The following OTOR variants were observed in gnomAD, a reference collection of about 807,000 sequenced individuals.
The protein encoded by OTOR is fibrocyte-derived protein.
A neutral mutation model predicts 15.9 loss-of-function variants in OTOR; 20 were observed. The ratio of observed to expected loss-of-function variants is 1.26; its 90% CI spans 0.89 to 1.83. The LOEUF is 1.83. Ranked by LOEUF, OTOR falls within the 40% of genes most tolerant of loss-of-function variation. The pLI, the probability that OTOR is intolerant of heterozygous loss-of-function variation, is 0.00. For missense variants in OTOR, 184 were observed against 159.0 expected (o/e 1.16, Z -0.85); for synonymous variants, 53 against 54.2 (o/e 0.98, Z 0.09).
rs139430149 is a variant in OTOR, at chr20:16,749,788, A to T, written c.256-115A>T. The T allele has an allele frequency of 3.1e-4, 217 of 702,556 alleles. 2 individuals are homozygous for T. The East Asian group carries it at 6.0e-3, about 19-fold the overall frequency. 43.5% of individuals were successfully genotyped at this position (702,556 alleles called of 1,614,324 possible). On this transcript the variant is annotated intron_variant, in intron 2 of 3. Coordinates refer to ENST00000246081, the MANE Select transcript of OTOR (RefSeq NM_020157.4). ...GCAGCGCCCCCTGGACCCCGGAGTG[A>T]AAGGGAGGTATTGGCAGCTATGATT... is the stretch of plus-strand genomic sequence containing the variant.
rs185752071 is a variant in OTOR at position 16,751,334 on chromosome 20, C to T, written c.*216C>T. The T allele has an allele frequency of 6.9e-4, 355 of 514,030 alleles. 9 individuals carry two copies. In the East Asian group the frequency reaches 9.8e-3, roughly 14 times the overall value. 31.8% of individuals were successfully genotyped at this position (514,030 alleles called of 1,614,324 possible). The stretch of plus-strand genomic sequence containing the variant: ...GGCCTGGTCTGCCCACGAGCTAGAG[C>T]GGGGAAATGTTGAGCTCAAATGGGT... On this transcript the variant is annotated 3_prime_UTR_variant, in exon 4 of 4. Coordinates refer to ENST00000246081, the MANE Select transcript of OTOR (RefSeq NM_020157.4).
At chr20:16,751,014 G>A in intron 3 of OTOR, 81 bp from the exon 4 acceptor site, 1 of 1,058,300 alleles carries the variant, frequency 9.4e-7, no homozygotes, top group Non-Finnish European at 1.4e-6. Flanking sequence ...GATTAGATAT[G>A]ACTTTAAATA....
Position 16,751,190 on chromosome 20 carries a change from G to A in OTOR, c.*72G>A, listed in dbSNP as rs2072527048. The A allele has an allele frequency of 2.8e-6, 3 of 1,061,748 alleles. No homozygotes were observed. The highest frequency in any genetic ancestry group is 2.0e-4 in the Middle Eastern group (1 of 4,920). The allele number at this position is 1,061,748 out of a possible 1,614,324, so 65.8% of individuals were successfully genotyped here. A position where few individuals can be genotyped will look rare whatever the true frequency, so the allele number is the denominator to read the frequency against. On this transcript the variant is annotated 3_prime_UTR_variant, in exon 4 of 4. Coordinates refer to ENST00000246081, the MANE Select transcript of OTOR (RefSeq NM_020157.4). The stretch of plus-strand genomic sequence containing the variant: ...AAAAGAGCAAAAGTGGCCAAAAAAT[G>A]CATGTCTGTAATTTTGGACTGACGT...
Position 16,751,161 on chromosome 20 carries a change from A to G in OTOR, c.*43A>G, listed in dbSNP as rs764019038. The G allele has an allele frequency of 2.8e-6, 4 of 1,420,528 alleles. No individual in the cohort carries two copies. The African/African-American group carries it at 5.8e-5, about 21-fold the overall frequency. 88.0% of individuals were successfully genotyped at this position (1,420,528 alleles called of 1,614,324 possible). A position where few individuals can be genotyped will look rare whatever the true frequency, so the allele number is the denominator to read the frequency against. ...CAAATAGAAAGAAAACACCAAAAAT[A>G]AAGAAAAGAGCAAAAGTGGCCAAAA... On this transcript the variant is annotated 3_prime_UTR_variant, in exon 4 of 4. Coordinates refer to ENST00000246081, the MANE Select transcript of OTOR (RefSeq NM_020157.4).
intron 3 of OTOR, among the ~76,000 whole-genome samples, chr20:16,750,681 G>T (rs572320124): frequency 1.3e-5 from 2 of 152,302 alleles, no homozygotes; most frequent in Admixed American, 6.5e-5. Flanking sequence ...ATTTATGTAT[G>T]AAATAAAGTT....
intron 3 of OTOR, 118 bp downstream of exon 3, chr20:16,750,128 G>C (rs769568550): frequency 7.1e-5 from 45 of 631,288 alleles, no homozygotes; most frequent in Non-Finnish European, 1.2e-4. Flanking sequence ...ACTTTCAGTG[G>C]CGACTTTTCT....
At chr20:16,749,642 A>G (rs1360492802) in intron 2 of OTOR, 7 of 433,564 alleles carry the variant, frequency 1.6e-5, no homozygotes, top group East Asian at 1.5e-4. Flanking sequence ...ATTTCAGGCA[A>G]CTCACAAGAT....
chr20:16,750,428 T>A (rs78685486), intron 3 of OTOR, among the ~76,000 whole-genome samples: 1,774 of 151,928 alleles, frequency 0.012, 20 homozygotes, highest in Non-Finnish European at 0.019. Context: ...TGTGTGTGTG[T>A]GAAAACATTA....
In OTOR at chr20:16,750,007, C is replaced by T. The variant is rs775409087; in HGVS notation, c.360C>T (p.Thr120=). Reference sequence around the variant, plus strand: ...AGGAAGCTACCAAGGAAGTTCCCACCACGGTAAGCATCTCAAAAGTGACTA... The same window carrying T: ...AGGAAGCTACCAAGGAAGTTCCCACTACGGTAAGCATCTCAAAAGTGACTA... ...VYQEATKEVP[T]TDIDFFCE Residue 120 remains threonine, a synonymous_variant, in exon 3 of 4, where the codon ACC becomes ACT. Transcript: ENST00000246081. 1.8e-5 allele frequency: 29 copies of T among 1,599,120 alleles called. No homozygotes were observed. The highest frequency in any genetic ancestry group is 1.7e-4 in the Admixed American group (10 of 59,872).
At chr20:16,749,051 T>G in intron 2 of OTOR, 45 bp downstream of exon 2, 3 of 1,397,458 alleles carry the variant, frequency 2.1e-6, no homozygotes, top group Middle Eastern at 1.8e-4. Context: ...CTCTTAACCT[T>G]TCCTTGATTA....
At position 16,748,968 on chromosome 20, in the gene OTOR, G is replaced by A. The variant is rs1391422302; in HGVS notation, c.217G>A (p.Val73Ile). ...GQQIYVYSKL[V>I]KENGAGEFWA... Reference sequence around the variant, plus strand: ...GCAGATCTATGTGTACTCAAAGCTGGTAAAAGAAAATGGAGCTGGAGAATT... The same window carrying A: ...GCAGATCTATGTGTACTCAAAGCTGATAAAAGAAAATGGAGCTGGAGAATT... The change falls in exon 2 of 4, where the codon GTA becomes ATA. Residue 73 changes from valine (V) to isoleucine (I), a missense_variant. Physicochemically the swap from Val to Ile is conservative, Grantham distance 29 (BLOSUM62 3). Coordinates refer to ENST00000246081, the MANE Select transcript of OTOR (RefSeq NM_020157.4). 6.2e-7 allele frequency: 1 copy of A among 1,610,638 alleles called. No homozygotes were observed. The highest frequency in any genetic ancestry group is 8.5e-7 in the Non-Finnish European group (1 of 1,179,012).
intron 1 of OTOR, 114 bp downstream of exon 1, chr20:16,748,630 T>C: frequency 1.3e-6 from 1 of 751,916 alleles, no homozygotes; most frequent in Non-Finnish European, 2.2e-6. Flanking sequence ...ATGTGTATGT[T>C]ATCAGCTTTG....
intron 3 of OTOR, 82 bp from the exon 4 acceptor site, chr20:16,751,013 T>C: frequency 1.9e-6 from 2 of 1,051,754 alleles, no homozygotes; most frequent in South Asian, 3.1e-5. Context: ...TGATTAGATA[T>C]GACTTTAAAT....
Position 16,752,154 on chromosome 20 carries a change from A to C in OTOR, c.*1036A>C, listed in dbSNP as rs2072532299. On this transcript the variant is annotated 3_prime_UTR_variant, in exon 4 of 4. Transcript: ENST00000246081. ...GTTTGCATATAATTAAAATGCCTCT[A>C]CTTAATGTCACAATTCTGAGTTTTT... is the stretch of plus-strand genomic sequence containing the variant. The C allele has an allele frequency of 6.6e-6, 1 of 152,198 alleles. No individual in the cohort carries two copies. Among genetic ancestry groups the C allele is most frequent in the Non-Finnish European group, 1.5e-5 (1 of 68,038 alleles). The allele number at this position is 152,198 out of a possible 1,614,324, so 9.4% of individuals were successfully genotyped here. A position where few individuals can be genotyped will look rare whatever the true frequency, so the allele number is the denominator to read the frequency against.
rs1270983548 is a variant in OTOR at position 16,751,088 on chromosome 20, T to C, written c.364-7T>C. The C allele has an allele frequency of 4.5e-6, 7 of 1,540,258 alleles. No individual in the cohort carries two copies. The highest frequency in any genetic ancestry group is 1.7e-4 in the Middle Eastern group (1 of 5,858). ...TTCAATCTTTTTTTGTTTTTGTTTT[T>C]TTCCAGGATATTGACTTCTTCTGCG... On this transcript the variant is annotated splice_region_variant and splice_polypyrimidine_tract_variant and intron_variant, in intron 3 of 3. Coordinates refer to ENST00000246081, the MANE Select transcript of OTOR (RefSeq NM_020157.4).
At chr20:16,750,999 T>G (rs2072525540) in intron 3 of OTOR, 96 bp from the exon 4 acceptor site, 8 of 940,548 alleles carry the variant, frequency 8.5e-6, no homozygotes, top group Non-Finnish European at 1.1e-5. Flanking sequence ...AATCCAAATT[T>G]CTCTGATTAG....
chr20:16,748,827 G>A (rs762079009), intron 1 of OTOR, 40 bp from the exon 2 acceptor site: 1 of 1,487,650 alleles, frequency 6.7e-7, no homozygotes, highest in East Asian at 2.4e-5. Context: ...ATAAAATTCA[G>A]GAGCCTAAAA....
At position 16,749,962 on chromosome 20, in the gene OTOR, C is replaced by T; in HGVS notation, c.315C>T (p.Val105=). The change falls in exon 3 of 4, where the codon GTC becomes GTT. Residue 105 remains valine (V), a synonymous_variant. Coordinates refer to ENST00000246081, the MANE Select transcript of OTOR (RefSeq NM_020157.4). ...GVVGYFPRNL[V]KEQRVYQEAT... Reference sequence around the variant, plus strand: ...TGGGTTATTTCCCCAGGAACTTGGTCAAGGAACAGCGTGTGTACCAGGAAG... The same window carrying T: ...TGGGTTATTTCCCCAGGAACTTGGTTAAGGAACAGCGTGTGTACCAGGAAG... 6.2e-6 allele frequency: 10 copies of T among 1,613,792 alleles called. No homozygotes were observed. The South Asian group carries it at 7.7e-5, about 12-fold the overall frequency.
chr20:16,749,614 T>C (rs2072515037), intron 2 of OTOR: 1 of 372,938 alleles, frequency 2.7e-6, no homozygotes, highest in Admixed American at 4.2e-5. Flanking sequence ...TATATATTTA[T>C]TTATGGGTTC....
Sources: allele counts gnomAD v4.1 joint callset (sites outside exome capture counted in the v4.1 genomes callset), GRCh38; gene constraint gnomAD v4.1.1; transcripts MANE v1.5; gene names NCBI Gene and HGNC (gene_info 2026-07-23, HGNC 2026-07-21).